The following FAM120C variants were observed in gnomAD, a reference collection of about 807,000 sequenced individuals.
FAM120C encodes the protein constitutive coactivator of PPAR-gamma-like protein 2.
In FAM120C, 14 loss-of-function variants were observed where a neutral mutation model predicts 71.2. That is an observed-to-expected ratio of 0.20 (90% CI 0.13 to 0.31). FAM120C has a LOEUF of 0.31. Among genes scored for constraint, FAM120C ranks in the 10% least tolerant of loss-of-function variants. The probability of loss-of-function intolerance (pLI) is 1.00; values close to 1 mark genes in which losing one functional copy is unlikely to be tolerated. For synonymous variants in FAM120C, 354 were observed against 353.2 expected (o/e 1.00, Z -0.03); for missense variants, 500 against 879.0 (o/e 0.57, Z 5.45).
chrX:54,083,411 G>A (rs1271992846), intron 13 of FAM120C, among the ~76,000 whole-genome samples: 1 of 99,573 alleles, frequency 1.0e-5, no homozygotes, highest in African/African-American at 3.8e-5. Flanking sequence ...ACCAGCCAGG[G>A]CAACATAGCG....
At chrX:54,155,513 T>C (rs1557133584) in intron 3 of FAM120C, among the ~76,000 whole-genome samples, 1 of 111,467 alleles carries the variant, frequency 9.0e-6, no homozygotes, top group Non-Finnish European at 1.9e-5. Flanking sequence ...GGTGACCCTG[T>C]TGAGAGCAAT....
chrX:54,083,433 C>CCACACACACACACACACACACACACACA (rs781964795), intron 13 of FAM120C, among the ~76,000 whole-genome samples: 4 of 78,935 alleles, frequency 5.1e-5, no homozygotes, highest in African/African-American at 1.4e-4. Context: ...GACCCCATCT[C>CCACACACACACACACACACACACACACA]CACACACACA....
chrX:54,098,646 CAG>C (rs1216981201), intron 10 of FAM120C, among the ~76,000 whole-genome samples: 2 of 110,977 alleles, frequency 1.8e-5, no homozygotes, highest in African/African-American at 3.3e-5. Flanking sequence ...TATTTTGAGA[CAG>C]AGTCTCGCTC....
At chrX:54,133,094 G>A (rs1366884442) in intron 8 of FAM120C, among the ~76,000 whole-genome samples, 1 of 112,293 alleles carries the variant, frequency 8.9e-6, no homozygotes, top group Non-Finnish European at 1.9e-5. Flanking sequence ...GCTCATGCCT[G>A]TAATCCCAGC....
chrX:54,140,389 C>T lies in FAM120C; in HGVS notation c.1159-3799G>A, dbSNP rs189033505. 4.7e-3 allele frequency among the ~76,000 whole-genome samples: 509 copies of T among 108,744 alleles called. 6 individuals carry two copies. The highest frequency in any genetic ancestry group is 0.014 in the Middle Eastern group (3 of 211). 94.4% of individuals were successfully genotyped at this position (108,744 alleles called of 115,157 possible). ...ATCCCAGCACTTTGGTAAGCTGAGG[C>T]GGGTGGATCACCTGAGTTCAGGAGT... On this transcript the variant is annotated intron_variant, in intron 4 of 15. Coordinates refer to ENST00000375180, the MANE Select transcript of FAM120C (RefSeq NM_017848.6).
intron 9 of FAM120C, 44 bp downstream of exon 9, chrX:54,132,648 G>A (rs1557129569): frequency 1.8e-6 from 2 of 1,095,289 alleles, no homozygotes; most frequent in Non-Finnish European, 2.4e-6. Flanking sequence ...CATATCTGCT[G>A]TGTCAAGTGC....
Position 54,182,871 on chromosome X carries a change from G to T in FAM120C, c.328C>A (p.Pro110Thr). The T allele has an allele frequency of 9.0e-7, 1 of 1,115,241 alleles. No individual in the cohort carries two copies. Among genetic ancestry groups the T allele is most frequent in the Admixed American group, 3.2e-5 (1 of 31,651 alleles). 91.9% of individuals were successfully genotyped at this position (1,115,241 alleles called of 1,213,427 possible). Reference protein sequence around the residue: ...GLHPPLPPPPPPQLPGARVLV... With the variant: ...GLHPPLPPPPTPQLPGARVLV... Reference sequence around the variant, plus strand: ...ACCCGGGCCCCGGGCAGCTGAGGGGGCGGCGGCGGCGGCAGCGGAGGGTGC... The same window carrying T: ...ACCCGGGCCCCGGGCAGCTGAGGGGTCGGCGGCGGCGGCAGCGGAGGGTGC... Residue 110 changes from proline (P) to threonine (T), a missense_variant, in exon 1 of 16, where the codon CCC becomes ACC. Coordinates refer to ENST00000375180, the MANE Select transcript of FAM120C (RefSeq NM_017848.6).
At chrX:54,073,474 A>G (rs781787563) in intron 15 of FAM120C, among the ~76,000 whole-genome samples, 187 bp from the exon 16 acceptor site, 16 of 108,503 alleles carry the variant, frequency 1.5e-4, no homozygotes, top group East Asian at 5.8e-4. Flanking sequence ...TCTGTCGCCC[A>G]GGCTGGGGTG....
intron 10 of FAM120C, among the ~76,000 whole-genome samples, chrX:54,096,863 A>G (rs2033978680): frequency 9.0e-6 from 1 of 111,715 alleles, no homozygotes; most frequent in African/African-American, 3.2e-5. Context: ...ACATACAGCA[A>G]AATTGTTTTC....
chrX:54,133,795 T>C lies in FAM120C; in HGVS notation c.1868A>G (p.Tyr623Cys). The C allele has an allele frequency of 8.3e-7, 1 of 1,210,814 alleles. No homozygotes were observed. The highest frequency in any genetic ancestry group is 1.8e-5 in the South Asian group (1 of 56,729). The part of the protein sequence containing the change: ...HRHRRGLMYP[Y>C]IYHVLTKGEI... Reference sequence around the variant, plus strand: ...CACCTTAGTGAGGACATGGTAGATATATGGGTACATAAGACCCCTCCGGTG... The same window carrying C: ...CACCTTAGTGAGGACATGGTAGATACATGGGTACATAAGACCCCTCCGGTG... Residue 623 changes from tyrosine (Y) to cysteine (C), a missense_variant, in exon 8 of 16, where the codon TAT (tyrosine) becomes TGT (cysteine). This residue lies in a region of FAM120C where 104 missense variants were observed against 254.5 expected (regional missense o/e 0.41). Coordinates refer to ENST00000375180, the MANE Select transcript of FAM120C (RefSeq NM_017848.6).
In FAM120C at chrX:54,140,291, C is replaced by CA. The variant is rs782194470; in HGVS notation, c.1159-3702dup. Among the ~76,000 whole-genome samples the CA allele has an allele frequency of 4.8e-3, 257 of 53,083 alleles. 1 individual carries two copies. Among genetic ancestry groups the CA allele is most frequent in the African/African-American group, 0.011 (147 of 13,678 alleles). 46.1% of individuals were successfully genotyped at this position (53,083 alleles called of 115,157 possible). ...AGCCTGGGTGACAGAGACTCTGTCT[C>CA]AAAAAAAAAAAAAAGAAAAAGAAAA... is the stretch of plus-strand genomic sequence containing the variant. On this transcript the variant is annotated intron_variant, in intron 4 of 15. Coordinates refer to ENST00000375180, the MANE Select transcript of FAM120C (RefSeq NM_017848.6).
At position 54,183,069 on chromosome X, in the gene FAM120C, G is replaced by A; in HGVS notation, c.130C>T (p.Pro44Ser). The A allele has an allele frequency of 8.6e-7, 1 of 1,157,229 alleles. No individual in the cohort carries two copies. Among genetic ancestry groups the A allele is most frequent in the Non-Finnish European group, 1.1e-6 (1 of 871,686 alleles). The change falls in exon 1 of 16, where the codon CCG becomes TCG. Residue 44 changes from proline to serine, a missense_variant. Transcript: ENST00000375180. ...QQQQHLHRQL[P>S]PTAALAPGAP... ...CCGGGCGCTAGGGCTGCAGTCGGCG[G>A]CAGCTGGCGGTGCAAGTGCTGCTGC...
intron 10 of FAM120C, among the ~76,000 whole-genome samples, chrX:54,115,807 G>A (rs1457738618): frequency 1.8e-5 from 2 of 111,809 alleles, no homozygotes; most frequent in South Asian, 3.7e-4. Flanking sequence ...GAAACAGGCC[G>A]GGCGGGGTGG....
At chrX:54,083,224 T>A (rs1295882256) in intron 13 of FAM120C, among the ~76,000 whole-genome samples, 1 of 110,649 alleles carries the variant, frequency 9.0e-6, no homozygotes, top group Admixed American at 9.8e-5. Context: ...TCATAGAATA[T>A]GGAGTTCTAC....
At chrX:54,107,294 G>A (rs781933377) in intron 10 of FAM120C, among the ~76,000 whole-genome samples, 2 of 108,311 alleles carry the variant, frequency 1.8e-5, no homozygotes, top group South Asian at 4.0e-4. Flanking sequence ...ACGGGGTTTC[G>A]CCATGTTAGC....
intron 1 of FAM120C, among the ~76,000 whole-genome samples, chrX:54,167,846 T>C (rs868926455): frequency 9.3e-6 from 1 of 107,245 alleles, no homozygotes; most frequent in African/African-American, 3.4e-5. Context: ...CAGGTGCCTG[T>C]AGTACCAGCT....
At chrX:54,129,692 G>A (rs1474345311) in intron 9 of FAM120C, among the ~76,000 whole-genome samples, 31 of 111,982 alleles carry the variant, frequency 2.8e-4, no homozygotes, top group African/African-American at 9.0e-4. Flanking sequence ...AGGTTGTAGC[G>A]AGCCAAGATC....
chrX:54,073,602 C>T (rs2066721469), intron 15 of FAM120C, among the ~76,000 whole-genome samples: 1 of 109,081 alleles, frequency 9.2e-6, no homozygotes, highest in Non-Finnish European at 1.9e-5. Flanking sequence ...TAGCTAATTT[C>T]TGTATTTTTA....
At chrX:54,086,795 G>C (rs1215703576) in intron 12 of FAM120C, among the ~76,000 whole-genome samples, 1 of 108,065 alleles carries the variant, frequency 9.3e-6, no homozygotes, top group Non-Finnish European at 1.9e-5. Flanking sequence ...GTCATAGATG[G>C]TATGTAGATG....
Sources: gnomAD v4.1 joint callset for allele counts (sites outside exome capture counted in the v4.1 genomes callset) on GRCh38, gnomAD v4.1.1 for gene constraint, gnomAD v4.1.1 regional missense constraint, MANE v1.5 for transcripts, NCBI Gene and HGNC (gene_info 2026-07-23, HGNC 2026-07-21) for gene names.